Variants in MSRB2 observed in about 807,000 individuals in gnomAD.
MSRB2 encodes methionine sulfoxide reductase B2.
MSRB2 carries 17 observed loss-of-function variants against 19.0 expected under a neutral mutation model. That is an observed-to-expected ratio of 0.89 (90% CI 0.61 to 1.34). The LOEUF is 1.34. MSRB2 is among the 40% of genes most tolerant of loss of function. The probability of loss-of-function intolerance (pLI) is 0.00; values close to 1 mark genes in which losing one functional copy is unlikely to be tolerated. For missense variants in MSRB2, 208 were observed against 237.6 expected (o/e 0.88, Z 0.82); for synonymous variants, 107 against 99.7 (o/e 1.07, Z -0.44).
Position 23,095,663 on chromosome 10 carries a change from C to A in MSRB2, c.55C>A (p.Arg19=). 1 of 1,403,322 alleles carries A rather than the reference C, an allele frequency of 7.1e-7. No homozygotes were observed. The highest frequency in any genetic ancestry group is 1.5e-5 in the South Asian group (1 of 66,006). 86.9% of individuals were successfully genotyped at this position (1,403,322 alleles called of 1,614,324 possible). A position where few individuals can be genotyped will look rare whatever the true frequency, so the allele number is the denominator to read the frequency against. ...RGLTLGTAPR[R]AVRGQAGGGG... is the part of the protein sequence containing the mutation. ...CCTGACCCTCGGAACTGCGCCTCGG[C>A]GGGCGGTGCGGGGCCAAGCGGGCGG... The change falls in exon 1 of 5, where the codon CGG becomes AGG. Residue 19 remains arginine, a synonymous_variant. Coordinates refer to ENST00000376510, the MANE Select transcript of MSRB2 (RefSeq NM_012228.4).
At chr10:23,120,729 G>C (rs1253775336) in intron 4 of MSRB2, 29 bp from the exon 5 acceptor site, 1 of 1,557,308 alleles carries the variant, frequency 6.4e-7, no homozygotes, top group Non-Finnish European at 8.8e-7. Context: ...TTTGCATTTG[G>C]AGATGACAGA....
At chr10:23,110,628 T>C (rs1840040977) in intron 3 of MSRB2, among the ~76,000 whole-genome samples, 1 of 152,084 alleles carries the variant, frequency 6.6e-6, no homozygotes, top group African/African-American at 2.4e-5. Context: ...ATTAGAGTTT[T>C]TTTTTTTTTA....
At chr10:23,107,983 G>A (rs1030860072) in intron 2 of MSRB2, among the ~76,000 whole-genome samples, 1 of 149,926 alleles carries the variant, frequency 6.7e-6, no homozygotes, top group African/African-American at 2.5e-5. Flanking sequence ...TTCTTGAGAT[G>A]GGGTTTTGCT....
intron 2 of MSRB2, among the ~76,000 whole-genome samples, chr10:23,108,438 C>T (rs1447116653): frequency 6.6e-6 from 1 of 150,618 alleles, no homozygotes; most frequent in Non-Finnish European, 1.5e-5. Context: ...TGCATGCATT[C>T]ATCTTCAGCC....
intron 3 of MSRB2, among the ~76,000 whole-genome samples, chr10:23,116,656 G>T (rs1291557578): frequency 6.6e-6 from 1 of 152,208 alleles, no homozygotes; most frequent in Non-Finnish European, 1.5e-5. Context: ...AGTCTCTTGT[G>T]CAATCAAAGC....
chr10:23,105,912 G>A (rs1041113372), intron 2 of MSRB2, among the ~76,000 whole-genome samples: 8 of 152,198 alleles, frequency 5.3e-5, no homozygotes, highest in Non-Finnish European at 5.9e-5. Flanking sequence ...TAAAGCCCTT[G>A]TTGGGAAAGA....
intron 3 of MSRB2, among the ~76,000 whole-genome samples, chr10:23,117,001 ACCT>A (rs1840119105): frequency 6.6e-6 from 1 of 151,984 alleles, no homozygotes; most frequent in African/African-American, 2.4e-5. Context: ...GGTGTGTCTG[ACCT>A]CCTGTCCCAT....
chr10:23,110,484 G>A (rs1260786672), intron 3 of MSRB2, among the ~76,000 whole-genome samples, 166 bp downstream of exon 3: 1 of 152,068 alleles, frequency 6.6e-6, no homozygotes, highest in Non-Finnish European at 1.5e-5. Context: ...ATTCATATAA[G>A]ATACTTGCCT....
At chr10:23,118,330 G>GTTTTTTTT (rs199691499) in intron 3 of MSRB2, among the ~76,000 whole-genome samples, 17 of 86,640 alleles carry the variant, frequency 2.0e-4, no homozygotes, top group African/African-American at 7.6e-4. Flanking sequence ...TCTTAGATTA[G>GTTTTTTTT]TTTTTTGTTT....
chr10:23,112,599 T>A (rs571355080), intron 3 of MSRB2, among the ~76,000 whole-genome samples: 3 of 152,380 alleles, frequency 2.0e-5, no homozygotes, highest in African/African-American at 7.2e-5. Flanking sequence ...TGTTTTGTTT[T>A]GTTTTTTGAG....
intron 2 of MSRB2, among the ~76,000 whole-genome samples, chr10:23,110,035 T>C (rs539096166): frequency 1.3e-5 from 2 of 152,344 alleles, no homozygotes; most frequent in East Asian, 3.9e-4. Flanking sequence ...AATTTGAATA[T>C]TGGGTGCAAT....
intron 3 of MSRB2, among the ~76,000 whole-genome samples, chr10:23,111,440 C>G (rs1840051838): frequency 6.6e-6 from 1 of 152,226 alleles, no homozygotes; most frequent in Non-Finnish European, 1.5e-5. Flanking sequence ...CCGCAGGCAC[C>G]AGGCAGTGCT....
At chr10:23,095,900 C>T (rs1213744280) in intron 1 of MSRB2, among the ~76,000 whole-genome samples, 174 bp downstream of exon 1, 1 of 145,162 alleles carries the variant, frequency 6.9e-6, no homozygotes, top group African/African-American at 2.7e-5. Context: ...GGATTGTAAA[C>T]TTGGTGGCGG....
At chr10:23,103,290 A>C (rs531989690) in intron 1 of MSRB2, among the ~76,000 whole-genome samples, 1 of 152,202 alleles carries the variant, frequency 6.6e-6, no homozygotes, top group East Asian at 1.9e-4. Flanking sequence ...CGGGCATTCA[A>C]CGTTTCATCT....
chr10:23,118,337 G>GTTTTTTTTTTTTT (rs35011086), intron 3 of MSRB2, among the ~76,000 whole-genome samples: 15 of 92,178 alleles, frequency 1.6e-4, no homozygotes, highest in Non-Finnish European at 1.8e-4. Context: ...TTAGTTTTTT[G>GTTTTTTTTTTTTT]TTTTTTTTTT....
At chr10:23,105,518 T>A (rs917855209) in intron 2 of MSRB2, among the ~76,000 whole-genome samples, 2 of 152,114 alleles carry the variant, frequency 1.3e-5, no homozygotes, top group African/African-American at 4.8e-5. Flanking sequence ...ACTCTCTACC[T>A]CCATGTGTTC....
intron 3 of MSRB2, among the ~76,000 whole-genome samples, chr10:23,116,068 A>C (rs1840106641): frequency 6.6e-6 from 1 of 152,154 alleles, no homozygotes; most frequent in Non-Finnish European, 1.5e-5. Context: ...TTGGACCCAC[A>C]ACTGCTCACA....
intron 2 of MSRB2, among the ~76,000 whole-genome samples, chr10:23,107,576 C>T (rs1353347195): frequency 6.6e-6 from 1 of 152,188 alleles, no homozygotes; most frequent in African/African-American, 2.4e-5. Flanking sequence ...ATATCTGATA[C>T]AGTCAGCCTT....
At chr10:23,095,948 T>A (rs1785067672) in intron 1 of MSRB2, among the ~76,000 whole-genome samples, 1 of 147,804 alleles carries the variant, frequency 6.8e-6, no homozygotes, top group Non-Finnish European at 1.5e-5. Context: ...TCCGAGGAAA[T>A]GAACAAATGA....
Sources: allele counts gnomAD v4.1 joint callset (sites outside exome capture counted in the v4.1 genomes callset), GRCh38; gene constraint gnomAD v4.1.1; transcripts MANE v1.5; gene names NCBI Gene and HGNC (gene_info 2026-07-23, HGNC 2026-07-21).